The following POMK variants were observed in gnomAD, a reference collection of about 807,000 sequenced individuals.
POMK encodes the protein Sugen kinase 196.
In POMK, 19 loss-of-function variants were observed where a neutral mutation model predicts 23.0. The observed-to-expected ratio is 0.83, with a 90% CI of 0.58 to 1.21. POMK has a LOEUF of 1.21. Among genes scored for constraint, POMK ranks in the 50% most tolerant of loss-of-function variants. POMK has a pLI of 0.00. For missense variants in POMK, 410 were observed against 431.3 expected (o/e 0.95, Z 0.44); for synonymous variants, 173 against 171.6 (o/e 1.01, Z -0.06).
intron 4 of POMK, among the ~76,000 whole-genome samples, chr8:43,107,403 C>T (rs922592385): frequency 6.6e-6 from 1 of 152,178 alleles, no homozygotes; most frequent in African/African-American, 2.4e-5. Flanking sequence ...GAGATGGAGC[C>T]TTGCTCTGTC....
intron 4 of POMK, 68 bp from the exon 5 acceptor site, chr8:43,122,039 T>C (rs974391279): frequency 8.3e-6 from 12 of 1,451,124 alleles, no homozygotes; most frequent in Admixed American, 7.3e-5. Flanking sequence ...TTAAAAGATA[T>C]TTGTTGTTCT....
chr8:43,119,409 T>C (rs987801496), intron 4 of POMK, among the ~76,000 whole-genome samples: 1 of 151,712 alleles, frequency 6.6e-6, no homozygotes, highest in East Asian at 1.9e-4. Flanking sequence ...TTTTAGTGCA[T>C]GTAGCAGCCA....
rs1205617197 is a variant in POMK, at chr8:43,122,658, G to A, written c.834G>A (p.Glu278=). 2 of 1,614,102 alleles carry A rather than the reference G, an allele frequency of 1.2e-6. No homozygotes were observed. The highest frequency in any genetic ancestry group is 1.7e-5 in the Admixed American group (1 of 60,008). Residue 278 remains glutamate, a synonymous_variant, in exon 5 of 5, where the codon GAG becomes GAA. Transcript: ENST00000331373. ...FHDDLMPSYD[E]KIDIWKIPDI... is the part of the protein sequence containing the mutation. ...ATGATCTCATGCCCTCATATGATGAGAAGATTGACATTTGGAAGATCCCAG... is the reference window on the plus strand; with the variant it reads ...ATGATCTCATGCCCTCATATGATGAAAAGATTGACATTTGGAAGATCCCAG...
At position 43,122,596 on chromosome 8, in the gene POMK, C is replaced by T. The variant is rs1221930378; in HGVS notation, c.772C>T (p.Gln258Ter). 6.2e-7 allele frequency: 1 copy of T among 1,614,078 alleles called. No individual in the cohort carries two copies. Among genetic ancestry groups the T allele is most frequent in the African/African-American group, 1.3e-5 (1 of 74,930 alleles). ...ELHGDFVAPE[Q>*]LWPYGEDVPF... ...GCATGGGGATTTCGTGGCTCCAGAG[C>T]AACTGTGGCCCTATGGAGAGGACGT... The change falls in exon 5 of 5, where the codon CAA (glutamine) becomes TAA (stop). Residue 258 changes from glutamine to a stop codon, truncating the protein, a stop_gained. Coordinates refer to ENST00000331373, the MANE Select transcript of POMK (RefSeq NM_032237.5). LOFTEE classifies it high-confidence loss of function.
intron 4 of POMK, among the ~76,000 whole-genome samples, chr8:43,114,028 C>G (rs1399126394): frequency 1.3e-5 from 2 of 152,218 alleles, no homozygotes; most frequent in South Asian, 2.1e-4. Flanking sequence ...CTACTGGGGG[C>G]TGCCTCCCAG....
At chr8:43,119,287 A>G (rs1473639659) in intron 4 of POMK, among the ~76,000 whole-genome samples, 1 of 152,206 alleles carries the variant, frequency 6.6e-6, no homozygotes, top group Non-Finnish European at 1.5e-5. Context: ...AGAGCCAATT[A>G]TCAGATTCAG....
chr8:43,121,345 C>T (rs1215045294), intron 4 of POMK, among the ~76,000 whole-genome samples: 2 of 152,180 alleles, frequency 1.3e-5, no homozygotes, highest in African/African-American at 4.8e-5. Context: ...TACAGTGCTT[C>T]CTGCAAGCAA....
chr8:43,105,039 AT>A (rs145128923), intron 4 of POMK, among the ~76,000 whole-genome samples: 2,213 of 152,244 alleles, frequency 0.015, 32 homozygotes, highest in Non-Finnish European at 0.022. Context: ...TATTATACTG[AT>A]TTTTAACAAT....
chr8:43,103,885 T>C, intron 4 of POMK, 55 bp downstream of exon 4: 3 of 1,557,634 alleles, frequency 1.9e-6, no homozygotes, highest in East Asian at 2.3e-5. Context: ...CTTAACACAG[T>C]GTCCTCCAGC....
intron 1 of POMK, among the ~76,000 whole-genome samples, chr8:43,094,376 CCAAAA>C (rs1225489535): frequency 6.6e-6 from 1 of 152,140 alleles, no homozygotes. Flanking sequence ...CCAAACCAAA[CCAAAA>C]CAAAACAAAA....
intron 4 of POMK, among the ~76,000 whole-genome samples, chr8:43,114,739 A>G (rs910419539): frequency 1.1e-4 from 16 of 152,196 alleles, no homozygotes; most frequent in African/African-American, 3.6e-4. Flanking sequence ...AGCTGTTCCT[A>G]TTCGGCCATC....
At chr8:43,103,095 T>C (rs2130600445) in intron 3 of POMK, among the ~76,000 whole-genome samples, 1 of 152,322 alleles carries the variant, frequency 6.6e-6, no homozygotes, top group East Asian at 1.9e-4. Context: ...GCTGCTTAGC[T>C]GAGTTCGACA....
At chr8:43,122,043 T>C in intron 4 of POMK, 64 bp from the exon 5 acceptor site, 1 of 1,473,304 alleles carries the variant, frequency 6.8e-7, no homozygotes, top group Non-Finnish European at 9.3e-7. Context: ...AAGATATTTG[T>C]TGTTCTTTGG....
At chr8:43,107,014 T>C (rs1163091099) in intron 4 of POMK, among the ~76,000 whole-genome samples, 1 of 152,206 alleles carries the variant, frequency 6.6e-6, no homozygotes, top group African/African-American at 2.4e-5. Flanking sequence ...CAGGCCGGGC[T>C]GTGGTTCCAA....
chr8:43,118,596 T>C (rs1016910727), intron 4 of POMK, among the ~76,000 whole-genome samples: 1 of 152,206 alleles, frequency 6.6e-6, no homozygotes, highest in South Asian at 2.1e-4. Flanking sequence ...AGCAACTAAA[T>C]TAGAGGTTGT....
At chr8:43,111,845 C>G (rs1162944819) in intron 4 of POMK, among the ~76,000 whole-genome samples, 1 of 152,200 alleles carries the variant, frequency 6.6e-6, no homozygotes, top group Non-Finnish European at 1.5e-5. Context: ...CTCCAACAAA[C>G]CTGCAGCTGA....
intron 4 of POMK, among the ~76,000 whole-genome samples, chr8:43,118,381 G>A (rs1811845398): frequency 6.6e-6 from 1 of 152,122 alleles, no homozygotes; most frequent in Non-Finnish European, 1.5e-5. Flanking sequence ...AATAAATAAA[G>A]GCATAGAAAA....
chr8:43,111,439 G>A (rs1224242604), intron 4 of POMK, among the ~76,000 whole-genome samples: 2 of 152,242 alleles, frequency 1.3e-5, no homozygotes, highest in Non-Finnish European at 2.9e-5. Context: ...CAAACTGGGT[G>A]GAGCCCACCA....
intron 4 of POMK, among the ~76,000 whole-genome samples, chr8:43,105,409 T>C (rs1440994310): frequency 1.3e-5 from 2 of 152,248 alleles, no homozygotes; most frequent in Non-Finnish European, 2.9e-5. Flanking sequence ...TTTAAACTTC[T>C]GCATATGAAT....
Sources: allele counts gnomAD v4.1 joint callset (sites outside exome capture counted in the v4.1 genomes callset), GRCh38; gene constraint gnomAD v4.1.1; transcripts MANE v1.5; gene names NCBI Gene and HGNC (gene_info 2026-07-23, HGNC 2026-07-21).